The following TFEB variants were observed in gnomAD, a reference collection of about 807,000 sequenced individuals.
TFEB encodes transcription factor EB, also known as T-cell transcription factor EB.
Under a neutral mutation model 48.0 loss-of-function variants are expected in TFEB, and 12 were observed. The ratio of observed to expected loss-of-function variants is 0.25; its 90% CI spans 0.16 to 0.40. The LOEUF is 0.40. Ranked by LOEUF, TFEB falls within the 10% of genes least tolerant of loss-of-function variation. The probability of loss-of-function intolerance (pLI) is 1.00; values close to 1 mark genes in which losing one functional copy is unlikely to be tolerated. For missense variants in TFEB, 509 were observed against 640.3 expected (o/e 0.79, Z 2.21); for synonymous variants, 244 against 261.4 (o/e 0.93, Z 0.64).
Position 41,721,372 on chromosome 6 carries a change from T to TACACACAC in TFEB, c.-23+13970_-23+13977dup, listed in dbSNP as rs58269771. Among the ~76,000 whole-genome samples the TACACACAC allele has an allele frequency of 1.6e-3, 234 of 144,792 alleles. 2 individuals carry two copies. The highest frequency in any genetic ancestry group is 5.1e-3 in the African/African-American group (205 of 40,080). The allele number at this position is 144,792 out of a possible 152,430, so 95.0% of individuals were successfully genotyped here. ...TACTTTATTTGACACTAGGCACACA[T>TACACACAC]ACACACACACACACACACACACACA... On this transcript the variant is annotated intron_variant, in intron 1 of 8. Coordinates refer to ENST00000373033, the MANE Select transcript of TFEB (RefSeq NM_001271944.2).
At chr6:41,732,188 G>A (rs1771480235) in intron 1 of TFEB, among the ~76,000 whole-genome samples, 2 of 152,116 alleles carry the variant, frequency 1.3e-5, no homozygotes, top group Admixed American at 6.5e-5. Flanking sequence ...GAGAAAAGAA[G>A]GTCCCCAGAC....
intron 1 of TFEB, among the ~76,000 whole-genome samples, chr6:41,728,270 C>A (rs535398430): frequency 2.0e-4 from 31 of 152,336 alleles, no homozygotes; most frequent in African/African-American, 6.5e-4. Context: ...GTGCCAGGTA[C>A]CTCTGATGTG....
intron 1 of TFEB, among the ~76,000 whole-genome samples, chr6:41,727,748 G>A (rs779205614): frequency 3.2e-4 from 48 of 152,146 alleles, no homozygotes; most frequent in Non-Finnish European, 3.7e-4. Flanking sequence ...CTGCCCCCAG[G>A]TTCCAGGCCC....
intron 1 of TFEB, among the ~76,000 whole-genome samples, chr6:41,699,458 C>G (rs950378419): frequency 6.6e-6 from 1 of 152,240 alleles, no homozygotes; most frequent in Admixed American, 6.5e-5. Context: ...TAGATAGGGG[C>G]AGGAAGGCCT....
intron 1 of TFEB, among the ~76,000 whole-genome samples, chr6:41,698,539 C>T (rs529361282): frequency 1.3e-5 from 2 of 152,278 alleles, no homozygotes; most frequent in African/African-American, 2.4e-5. Flanking sequence ...ATATGTCTGG[C>T]GGCTGAAACA....
At chr6:41,699,291 G>T (rs372913879) in intron 1 of TFEB, among the ~76,000 whole-genome samples, 2 of 152,206 alleles carry the variant, frequency 1.3e-5, no homozygotes, top group Non-Finnish European at 2.9e-5. Context: ...GTGTTGCTCC[G>T]TCCAGGCCCA....
At chr6:41,702,577 T>C (rs1769992557) in intron 1 of TFEB, among the ~76,000 whole-genome samples, 1 of 152,176 alleles carries the variant, frequency 6.6e-6, no homozygotes, top group African/African-American at 2.4e-5. Context: ...TCATGTCCCC[T>C]GCAGGAAAGA....
intron 1 of TFEB, among the ~76,000 whole-genome samples, chr6:41,694,851 C>G (rs545712490): frequency 2.0e-5 from 3 of 152,164 alleles, no homozygotes; most frequent in East Asian, 3.9e-4. Flanking sequence ...CCCTGGAGAG[C>G]CTTCTCCCCT....
At chr6:41,690,423 C>T (rs1769239298) in intron 3 of TFEB, among the ~76,000 whole-genome samples, 1 of 152,212 alleles carries the variant, frequency 6.6e-6, no homozygotes, top group Non-Finnish European at 1.5e-5. Context: ...AGCCACGGCA[C>T]CTGACTTCCT....
chr6:41,703,597 A>T (rs573443044), intron 1 of TFEB, among the ~76,000 whole-genome samples: 3 of 152,400 alleles, frequency 2.0e-5, no homozygotes, highest in Non-Finnish European at 4.4e-5. Flanking sequence ...CAACTGAAGT[A>T]GCCAGGTCTT....
intron 1 of TFEB, among the ~76,000 whole-genome samples, chr6:41,714,592 A>G (rs1375049442): frequency 6.6e-6 from 1 of 152,202 alleles, no homozygotes; most frequent in African/African-American, 2.4e-5. Flanking sequence ...AGCACTTACT[A>G]CATGCCAGCA....
intron 1 of TFEB, among the ~76,000 whole-genome samples, chr6:41,697,511 C>CG (rs375111633): frequency 9.9e-5 from 15 of 151,224 alleles, no homozygotes; most frequent in East Asian, 3.9e-4. Context: ...AAACCCCCCC[C>CG]CTTCCCCAAG....
chr6:41,704,493 T>G, intron 1 of TFEB, among the ~76,000 whole-genome samples: 1 of 152,234 alleles, frequency 6.6e-6, no homozygotes, highest in East Asian at 1.9e-4. Flanking sequence ...GCTCCCTGCC[T>G]GGGTGACCAC....
intron 1 of TFEB, among the ~76,000 whole-genome samples, chr6:41,694,214 G>A (rs1769462074): frequency 6.6e-6 from 1 of 152,158 alleles, no homozygotes; most frequent in Admixed American, 6.5e-5. Context: ...TCACTGGCTG[G>A]GCCAGCCTCA....
intron 1 of TFEB, among the ~76,000 whole-genome samples, chr6:41,715,810 G>T (rs2127257482): frequency 6.6e-6 from 1 of 152,288 alleles, no homozygotes; most frequent in South Asian, 2.1e-4. Flanking sequence ...GGGCGTTCAG[G>T]AAGATTAAGT....
chr6:41,705,393 C>T (rs1016501074), intron 1 of TFEB, among the ~76,000 whole-genome samples: 3 of 152,232 alleles, frequency 2.0e-5, no homozygotes, highest in African/African-American at 7.2e-5. Context: ...CAGTATACCA[C>T]CATCCTCCTC....
At chr6:41,716,129 T>C (rs1324202977) in intron 1 of TFEB, among the ~76,000 whole-genome samples, 5 of 152,220 alleles carry the variant, frequency 3.3e-5, no homozygotes, top group Non-Finnish European at 7.3e-5. Flanking sequence ...CAGTATTATC[T>C]TACTTAATCC....
At chr6:41,714,809 C>T (rs1770662842) in intron 1 of TFEB, among the ~76,000 whole-genome samples, 1 of 152,134 alleles carries the variant, frequency 6.6e-6, no homozygotes, top group South Asian at 2.1e-4. Flanking sequence ...GGACTCCAGC[C>T]CTCAGGGAAT....
Position 41,688,093 on chromosome 6 carries a change from G to GC in TFEB, c.550-66dup, listed in dbSNP as rs1769111225. ...CTCTCCACGGGGAGCCCCCTCTAGGGCCTATCATCCCAGGAGCAGTCCTTC... is the reference window on the plus strand; with the variant it reads ...CTCTCCACGGGGAGCCCCCTCTAGGGCCCTATCATCCCAGGAGCAGTCCTTC... On this transcript the variant is annotated intron_variant, in intron 4 of 8. Transcript: ENST00000373033. 33 of 1,555,916 alleles carry GC rather than the reference G, an allele frequency of 2.1e-5. No individual in the cohort carries two copies. In the South Asian group the frequency reaches 3.6e-4, roughly 17 times the overall value.
Sources: allele counts gnomAD v4.1 joint callset (sites outside exome capture counted in the v4.1 genomes callset), GRCh38; gene constraint gnomAD v4.1.1; transcripts MANE v1.5; gene names NCBI Gene and HGNC (gene_info 2026-07-23, HGNC 2026-07-21).